RAMP1: variants seen among roughly 807,000 people sequenced by gnomAD.
The protein encoded by RAMP1 is receptor activity modifying protein 1.
Under a neutral mutation model 8.2 loss-of-function variants are expected in RAMP1, and 7 were observed. The observed-to-expected ratio is 0.85, with a 90% confidence interval of 0.49 to 1.60. The LOEUF is 1.60. Ranked by LOEUF, RAMP1 falls within the 40% of genes most tolerant of loss-of-function variation. The probability of loss-of-function intolerance (pLI) is 0.00; values close to 1 mark genes in which losing one functional copy is unlikely to be tolerated. For synonymous variants in RAMP1, 92 were observed against 84.7 expected (o/e 1.09, Z -0.47); for missense variants, 192 against 202.4 (o/e 0.95, Z 0.31).
intron 2 of RAMP1, among the ~76,000 whole-genome samples, chr2:237,884,126 G>C (rs2062403515): frequency 6.6e-6 from 1 of 152,000 alleles, no homozygotes; most frequent in Non-Finnish European, 1.5e-5. Flanking sequence ...CAAGGCTTGG[G>C]GGTGATTCCT....
At chr2:237,902,326 GGATCA>G (rs2062608440) in intron 2 of RAMP1, among the ~76,000 whole-genome samples, 1 of 143,438 alleles carries the variant, frequency 7.0e-6, no homozygotes, top group African/African-American at 2.6e-5. Context: ...GAGGAGGGAG[GGATCA>G]GGGGGTGGAG....
At chr2:237,887,346 G>A (rs2062444435) in intron 2 of RAMP1, among the ~76,000 whole-genome samples, 1 of 152,242 alleles carries the variant, frequency 6.6e-6, no homozygotes, top group African/African-American at 2.4e-5. Context: ...GGGCCTCCAG[G>A]GAGCAGTGGC....
chr2:237,868,958 G>A (rs558621447), intron 1 of RAMP1, among the ~76,000 whole-genome samples: 2 of 152,264 alleles, frequency 1.3e-5, no homozygotes, highest in South Asian at 4.2e-4. Flanking sequence ...TTCTTTCTTG[G>A]TCTTACAAAT....
In RAMP1 at chr2:237,862,497, A is replaced by G. The variant is rs1385596891; in HGVS notation, c.52+2770A>G. On this transcript the variant is annotated intron_variant, in intron 1 of 2. Transcript: ENST00000254661. This position sits in a 1 kb window ranked among gnomAD's most constrained non-coding sequence, Gnocchi z 4.0. ...AGCTCCGGGAAATGTTTTAGGTGGA[A>G]TCTTTAGTTAAGGCTAGTTGGAAAA... is the stretch of plus-strand genomic sequence containing the variant. Among the ~76,000 whole-genome samples, 1 of 152,210 alleles carries G rather than the reference A, an allele frequency of 6.6e-6. No individual in the cohort carries two copies. The highest frequency in any genetic ancestry group is 1.5e-5 in the Non-Finnish European group (1 of 68,038).
Position 237,911,768 on chromosome 2 carries a change from T to C in RAMP1, c.432T>C (p.Thr144=). ...TALVVWQSKR[T]EGIV ...TGGTGGTCTGGCAGAGCAAGCGCAC[T>C]GAGGGCATTGTGTAGGCGGGGCCCA... The change falls in exon 3 of 3, where the codon ACT becomes ACC. Residue 144 remains threonine (T), a synonymous_variant. Transcript: ENST00000254661. 6.2e-7 allele frequency: 1 copy of C among 1,609,356 alleles called. No homozygotes were observed. The highest frequency in any genetic ancestry group is 8.5e-7 in the Non-Finnish European group (1 of 1,177,962).
intron 2 of RAMP1, among the ~76,000 whole-genome samples, chr2:237,910,579 ACAGT>A (rs2062701212): frequency 6.6e-6 from 1 of 151,106 alleles, no homozygotes; most frequent in African/African-American, 2.4e-5. Context: ...TAACAGTTAC[ACAGT>A]CACACAGAAT....
intron 2 of RAMP1, among the ~76,000 whole-genome samples, chr2:237,899,073 T>C (rs1304722713): frequency 5.5e-4 from 4 of 7,236 alleles, no homozygotes; most frequent in South Asian, 5.6e-3. Context: ...GAGACAGTGA[T>C]TTTTTTTTTT....
intron 2 of RAMP1, among the ~76,000 whole-genome samples, chr2:237,907,607 A>G (rs1020012401): frequency 6.6e-6 from 1 of 152,100 alleles, no homozygotes; most frequent in Non-Finnish European, 1.5e-5. Flanking sequence ...GGCCCATTGA[A>G]GGAATTCTCT....
chr2:237,897,678 G>A (rs1459351693), intron 2 of RAMP1, among the ~76,000 whole-genome samples: 2 of 151,980 alleles, frequency 1.3e-5, no homozygotes, highest in Non-Finnish European at 2.9e-5. Context: ...CCTATGGTGA[G>A]GCTTCTTGTT....
intron 1 of RAMP1, among the ~76,000 whole-genome samples, chr2:237,876,595 G>C (rs534380369): frequency 4.6e-4 from 70 of 152,312 alleles, no homozygotes; most frequent in Admixed American, 1.8e-3. Flanking sequence ...TCAGCCTGAG[G>C]AGGAAGAAGA....
In RAMP1 at chr2:237,878,047, G is replaced by A. The variant is rs751018530; in HGVS notation, c.191+685G>A. The A allele has an allele frequency of 6.1e-6, 6 of 985,452 alleles. No homozygotes were observed. Among genetic ancestry groups the A allele is most frequent in the Middle Eastern group, 1.0e-3 (2 of 1,914 alleles). 61.0% of individuals were successfully genotyped at this position (985,452 alleles called of 1,614,324 possible). On this transcript the variant is annotated intron_variant, in intron 2 of 2. Coordinates refer to ENST00000254661, the MANE Select transcript of RAMP1 (RefSeq NM_005855.4). The surrounding 1 kb of genome is among the most constrained non-coding windows in gnomAD (Gnocchi z 5.7). Reference sequence around the variant, plus strand: ...ATCAGAACTCGGCATGTCCGCAATCGACTTTCAAGTCCTTGTTTCTGCCTC... The same window carrying A: ...ATCAGAACTCGGCATGTCCGCAATCAACTTTCAAGTCCTTGTTTCTGCCTC...
chr2:237,908,932 G>A (rs2062680378), intron 2 of RAMP1, among the ~76,000 whole-genome samples: 1 of 152,162 alleles, frequency 6.6e-6, no homozygotes. Flanking sequence ...GTCTGGGATG[G>A]TGGAAAGGCC....
chr2:237,862,943 G>T lies in RAMP1; in HGVS notation c.52+3216G>T, dbSNP rs374187890. ...GAGCCATGGGGGAGTACCTGTCCATGACATAGAGCACTCCTGAAGCCTTTT... is the reference window on the plus strand; with the variant it reads ...GAGCCATGGGGGAGTACCTGTCCATTACATAGAGCACTCCTGAAGCCTTTT... On this transcript the variant is annotated intron_variant, in intron 1 of 2. Transcript: ENST00000254661. This position sits in a 1 kb window ranked among gnomAD's most constrained non-coding sequence, Gnocchi z 4.0. 2.0e-4 allele frequency among the ~76,000 whole-genome samples: 30 copies of T among 152,344 alleles called. No individual in the cohort carries two copies. The South Asian group carries it at 5.8e-3, about 29-fold the overall frequency.
chr2:237,881,134 CTTCT>C (rs937890165), intron 2 of RAMP1, among the ~76,000 whole-genome samples: 9 of 152,336 alleles, frequency 5.9e-5, no homozygotes, highest in East Asian at 3.9e-4. Context: ...CTTACATCCC[CTTCT>C]TTCTTATATA....
At chr2:237,874,049 AAGAGAGGTGGGGGATGCAG>A (rs1481742213) in intron 1 of RAMP1, among the ~76,000 whole-genome samples, 1 of 152,126 alleles carries the variant, frequency 6.6e-6, no homozygotes, top group East Asian at 1.9e-4. Flanking sequence ...GAATGGCTCT[AAGAGAGGTGGGGGATGCAG>A]CATCCAGGAG....
intron 2 of RAMP1, among the ~76,000 whole-genome samples, chr2:237,887,932 A>C (rs376790671): frequency 1.4e-4 from 21 of 152,358 alleles, no homozygotes; most frequent in African/African-American, 4.3e-4. Context: ...TGACAACACT[A>C]TAAGAACTTG....
intron 2 of RAMP1, among the ~76,000 whole-genome samples, chr2:237,893,906 C>T (rs1009453122): frequency 2.0e-5 from 3 of 151,738 alleles, no homozygotes; most frequent in African/African-American, 7.3e-5. Context: ...TGCCACTGCA[C>T]TCCAGCCTGG....
intron 2 of RAMP1, among the ~76,000 whole-genome samples, chr2:237,881,277 G>A (rs542160275): frequency 4.6e-5 from 7 of 152,260 alleles, no homozygotes; most frequent in Non-Finnish European, 5.9e-5. Context: ...ATAGTACTCC[G>A]CCGTGCAGAG....
chr2:237,895,443 C>G (rs1408257016), intron 2 of RAMP1, among the ~76,000 whole-genome samples: 1 of 152,202 alleles, frequency 6.6e-6, no homozygotes, highest in Admixed American at 6.5e-5. Context: ...ACAGTGAACA[C>G]CCCACGTTGG....
Sources: gnomAD v4.1 joint callset for allele counts (sites outside exome capture counted in the v4.1 genomes callset) on GRCh38, gnomAD v4.1.1 for gene constraint, Gnocchi (gnomAD v3.1) non-coding constraint, MANE v1.5 for transcripts, NCBI Gene and HGNC (gene_info 2026-07-23, HGNC 2026-07-21) for gene names.